Variants in PRKCA observed in about 807,000 individuals in gnomAD.
PRKCA encodes protein kinase C alpha.
Under a neutral mutation model 87.0 loss-of-function variants are expected in PRKCA, and 27 were observed. The ratio of observed to expected loss-of-function variants is 0.31; its 90% CI spans 0.23 to 0.43. The LOEUF is 0.43. Among genes scored for constraint, PRKCA ranks in the 20% least tolerant of loss-of-function variants. The pLI is 1.00. For synonymous variants in PRKCA, 329 were observed against 311.1 expected, an observed-to-expected ratio of 1.06 and a Z score of -0.61; for missense variants, 518 against 852.3, an observed-to-expected ratio of 0.61 and a Z score of 4.88.
rs537587274 is a variant in PRKCA at position 66,328,360 on chromosome 17, C to T, written c.205+22233C>T. ...AAGTGTTGGGATTACAGGCATGAGCCACCATACCCAGCTGGAAATAATATT... is the reference window on the plus strand; with the variant it reads ...AAGTGTTGGGATTACAGGCATGAGCTACCATACCCAGCTGGAAATAATATT... On this transcript the variant is annotated intron_variant, in intron 2 of 16. Transcript: ENST00000413366. Among the ~76,000 whole-genome samples the T allele has an allele frequency of 2.5e-4, 38 of 151,912 alleles. No homozygotes were observed. In the South Asian group the frequency reaches 7.7e-3, roughly 31 times the overall value.
chr17:66,494,204 G>A (rs1916367129), intron 2 of PRKCA, among the ~76,000 whole-genome samples: 1 of 152,194 alleles, frequency 6.6e-6, no homozygotes, highest in Non-Finnish European at 1.5e-5. Context: ...ATTGGTGAGA[G>A]GAGAAAATAG....
chr17:66,418,325 C>T (rs762267153), intron 2 of PRKCA, among the ~76,000 whole-genome samples: 4 of 152,044 alleles, frequency 2.6e-5, no homozygotes, highest in East Asian at 1.9e-4. Context: ...GTTTTTACTC[C>T]GACTACTGAA....
chr17:66,713,984 C>T (rs1394436839), intron 8 of PRKCA, among the ~76,000 whole-genome samples: 2 of 152,126 alleles, frequency 1.3e-5, no homozygotes, highest in African/African-American at 2.4e-5. Flanking sequence ...CACATTCCCC[C>T]AGGTGCTCAC....
intron 13 of PRKCA, among the ~76,000 whole-genome samples, chr17:66,754,938 T>A (rs1271318173): frequency 1.3e-5 from 2 of 152,064 alleles, no homozygotes; most frequent in African/African-American, 4.8e-5. Context: ...GCCTTACCTC[T>A]ACAGAACAGT....
intron 2 of PRKCA, among the ~76,000 whole-genome samples, chr17:66,368,384 ATATTTTTTTTTT>A (rs1274272318): frequency 0.016 from 432 of 26,956 alleles, 4 homozygotes; most frequent in African/African-American, 0.043. Flanking sequence ...ATATATATAT[ATATTTTTTTTTT>A]TTTTTTTTTT....
intron 3 of PRKCA, among the ~76,000 whole-genome samples, chr17:66,586,030 C>T (rs538940104): frequency 6.6e-6 from 1 of 152,314 alleles, no homozygotes; most frequent in South Asian, 2.1e-4. Context: ...CTGGATGACA[C>T]AGGTTGTTGA....
At chr17:66,350,152 T>C (rs1157102397) in intron 2 of PRKCA, among the ~76,000 whole-genome samples, 5 of 152,178 alleles carry the variant, frequency 3.3e-5, no homozygotes, top group African/African-American at 1.2e-4. Context: ...GGGGATAAAT[T>C]GGTGGTAACA....
intron 2 of PRKCA, among the ~76,000 whole-genome samples, chr17:66,494,061 C>G (rs58601755): frequency 6.6e-6 from 1 of 152,136 alleles, no homozygotes; most frequent in Non-Finnish European, 1.5e-5. Flanking sequence ...CCACTCACAG[C>G]CCTCTCAGTA....
chr17:66,504,539 C>T (rs1015030514), intron 3 of PRKCA, among the ~76,000 whole-genome samples: 4 of 151,680 alleles, frequency 2.6e-5, no homozygotes, highest in Non-Finnish European at 5.9e-5. Flanking sequence ...TTGCAGTGAG[C>T]CAAGATTGCA....
chr17:66,477,570 G>A (rs893976884), intron 2 of PRKCA, among the ~76,000 whole-genome samples: 28 of 152,184 alleles, frequency 1.8e-4, no homozygotes, highest in African/African-American at 5.3e-4. Flanking sequence ...CGTGGTGGCG[G>A]GCACCTGTAG....
chr17:66,349,643 C>G (rs148997969), intron 2 of PRKCA, among the ~76,000 whole-genome samples: 3 of 152,092 alleles, frequency 2.0e-5, no homozygotes, highest in Non-Finnish European at 4.4e-5. Context: ...AGGGTTTTCC[C>G]GGGCCTTTAG....
intron 5 of PRKCA, among the ~76,000 whole-genome samples, chr17:66,680,793 G>T (rs947679411): frequency 6.6e-6 from 1 of 152,192 alleles, no homozygotes; most frequent in Non-Finnish European, 1.5e-5. Flanking sequence ...CCACATTGGG[G>T]GTGGGGGAGG....
intron 2 of PRKCA, among the ~76,000 whole-genome samples, chr17:66,397,461 A>T (rs1385212163): frequency 2.0e-5 from 3 of 151,902 alleles, no homozygotes; most frequent in Non-Finnish European, 4.4e-5. Flanking sequence ...TGTCATTTTG[A>T]TGCAGGACTT....
chr17:66,710,559 T>C (rs1973298808), intron 8 of PRKCA, among the ~76,000 whole-genome samples: 3 of 152,150 alleles, frequency 2.0e-5, no homozygotes, highest in Admixed American at 1.3e-4. Context: ...CCTGCAGCCA[T>C]GCTCTCCACC....
chr17:66,754,922 C>G (rs1490289314), intron 13 of PRKCA, among the ~76,000 whole-genome samples: 1 of 152,068 alleles, frequency 6.6e-6, no homozygotes, highest in Non-Finnish European at 1.5e-5. Context: ...AATTACCTCC[C>G]TCAAGGCCTT....
At chr17:66,377,416 C>T (rs1197687412) in intron 2 of PRKCA, among the ~76,000 whole-genome samples, 1 of 151,644 alleles carries the variant, frequency 6.6e-6, no homozygotes, top group African/African-American at 2.4e-5. Context: ...TGTCCCAGGT[C>T]TATCTGGGGC....
At chr17:66,712,469 T>TA in intron 8 of PRKCA, among the ~76,000 whole-genome samples, 1 of 152,102 alleles carries the variant, frequency 6.6e-6, no homozygotes, top group East Asian at 1.9e-4. Context: ...GGTGCTGGTG[T>TA]AAAAAACTCA....
chr17:66,395,957 A>G (rs763980032), intron 2 of PRKCA, among the ~76,000 whole-genome samples: 1 of 151,976 alleles, frequency 6.6e-6, no homozygotes, highest in Non-Finnish European at 1.5e-5. Flanking sequence ...AAGGAATTCC[A>G]CCAACATTGA....
At chr17:66,379,684 A>T (rs529945864) in intron 2 of PRKCA, among the ~76,000 whole-genome samples, 10 of 152,324 alleles carry the variant, frequency 6.6e-5, no homozygotes, top group South Asian at 4.1e-4. Context: ...TGAAAGACTT[A>T]GCAGCATTTC....
Sources: gnomAD v4.1 joint callset for allele counts (sites outside exome capture counted in the v4.1 genomes callset) on GRCh38, gnomAD v4.1.1 for gene constraint, MANE v1.5 for transcripts, NCBI Gene and HGNC (gene_info 2026-07-23, HGNC 2026-07-21) for gene names.